TMEM132D: variants seen among roughly 807,000 people sequenced by gnomAD.
The protein encoded by TMEM132D is transmembrane protein 132D, also known as mature OL transmembrane protein.
In TMEM132D, 21 loss-of-function variants were observed where a neutral mutation model predicts 62.3. That is an observed-to-expected ratio of 0.34 (90% confidence interval 0.24 to 0.49). The LOEUF (loss-of-function observed/expected upper bound fraction) is 0.49. TMEM132D is among the 20% of genes least tolerant of loss of function. The pLI is 0.99. For missense variants in TMEM132D, 1,346 were observed against 1,402.8 expected, an observed-to-expected ratio of 0.96 and a Z score of 0.65; for synonymous variants, 621 against 575.6, an observed-to-expected ratio of 1.08 and a Z score of -1.13.
intron 5 of TMEM132D, among the ~76,000 whole-genome samples, chr12:129,207,526 G>T (rs1384856746): frequency 6.6e-6 from 1 of 152,172 alleles, no homozygotes; most frequent in Non-Finnish European, 1.5e-5. Flanking sequence ...GGGAGAAGAT[G>T]AGGCGAGGGA....
chr12:129,246,316 G>A (rs192411714), intron 4 of TMEM132D, among the ~76,000 whole-genome samples: 74 of 152,250 alleles, frequency 4.9e-4, no homozygotes, highest in East Asian at 7.7e-4. Context: ...AGAGAAAGGC[G>A]GAATGACGCA....
intron 3 of TMEM132D, among the ~76,000 whole-genome samples, chr12:129,476,420 T>C (rs570476934): frequency 1.3e-5 from 2 of 152,334 alleles, no homozygotes; most frequent in South Asian, 4.1e-4. Flanking sequence ...ACTGCACGTA[T>C]GCCAAGTGAC....
intron 1 of TMEM132D, among the ~76,000 whole-genome samples, chr12:129,767,522 C>A (rs910841555): frequency 6.6e-6 from 1 of 152,216 alleles, no homozygotes; most frequent in African/African-American, 2.4e-5. Context: ...CAGCCCCTGA[C>A]AACCATCACT....
At chr12:129,339,428 T>C (rs1217882696) in intron 3 of TMEM132D, among the ~76,000 whole-genome samples, 2 of 152,228 alleles carry the variant, frequency 1.3e-5, no homozygotes, top group Non-Finnish European at 2.9e-5. Context: ...TGCAATGGGC[T>C]GTGAGTAATG....
chr12:129,651,101 C>T (rs1437583626), intron 2 of TMEM132D, among the ~76,000 whole-genome samples: 1 of 152,060 alleles, frequency 6.6e-6, no homozygotes, highest in Non-Finnish European at 1.5e-5. Context: ...TGCTGTATTC[C>T]TTTCTGGATC....
At chr12:129,468,886 T>C (rs148838725) in intron 3 of TMEM132D, among the ~76,000 whole-genome samples, 2 of 152,346 alleles carry the variant, frequency 1.3e-5, no homozygotes, top group Non-Finnish European at 2.9e-5. Flanking sequence ...ATCAGGCTTC[T>C]TCCAGATGGA....
At chr12:129,227,959 G>A (rs1049207201) in intron 4 of TMEM132D, among the ~76,000 whole-genome samples, 3 of 152,096 alleles carry the variant, frequency 2.0e-5, no homozygotes, top group South Asian at 2.1e-4. Context: ...AGTATTCCAC[G>A]GTGTATACGT....
intron 2 of TMEM132D, among the ~76,000 whole-genome samples, chr12:129,565,941 T>G (rs1362739471): frequency 6.6e-6 from 1 of 152,242 alleles, no homozygotes; most frequent in Non-Finnish European, 1.5e-5. Context: ...CAGTAAACAT[T>G]ATTACTTTTA....
chr12:129,401,159 C>A (rs1224647177), intron 3 of TMEM132D, among the ~76,000 whole-genome samples: 1 of 152,204 alleles, frequency 6.6e-6, no homozygotes, highest in Non-Finnish European at 1.5e-5. Flanking sequence ...CCACTACAAT[C>A]TACTGGGGAG....
At chr12:129,623,694 C>CGT (rs1565926874) in intron 2 of TMEM132D, among the ~76,000 whole-genome samples, 15 of 137,850 alleles carry the variant, frequency 1.1e-4, no homozygotes, top group African/African-American at 4.3e-4. Flanking sequence ...TACATATATA[C>CGT]ATATATATAC....
chr12:129,261,109 G>A (rs11060228), intron 4 of TMEM132D, among the ~76,000 whole-genome samples: 64,749 of 152,026 alleles, frequency 0.43, 14,053 homozygotes, highest in Admixed American at 0.5. Flanking sequence ...TAGTGGTTGT[G>A]CTAACTTACA....
chr12:129,623,727 A>G (rs1049720731), intron 2 of TMEM132D, among the ~76,000 whole-genome samples: 2 of 137,738 alleles, frequency 1.5e-5, no homozygotes, highest in East Asian at 2.0e-4. Context: ...ATATATACAT[A>G]CATATATACA....
chr12:129,756,305 ACT>A (rs938315235), intron 1 of TMEM132D, among the ~76,000 whole-genome samples: 1 of 152,120 alleles, frequency 6.6e-6, no homozygotes, highest in African/African-American at 2.4e-5. Flanking sequence ...AGAAAAACAA[ACT>A]CTGAATCAGG....
intron 2 of TMEM132D, among the ~76,000 whole-genome samples, chr12:129,647,348 T>C (rs1879813493): frequency 6.6e-6 from 1 of 151,384 alleles, no homozygotes; most frequent in South Asian, 2.1e-4. Context: ...CCCTGAGACT[T>C]TGATGCATTC....
At chr12:129,627,383 C>T (rs1204417147) in intron 2 of TMEM132D, among the ~76,000 whole-genome samples, 1 of 152,142 alleles carries the variant, frequency 6.6e-6, no homozygotes, top group Non-Finnish European at 1.5e-5. Flanking sequence ...AGCCTAGGAG[C>T]AATAGGCTAT....
At chr12:129,485,972 C>T (rs1423788905) in intron 3 of TMEM132D, among the ~76,000 whole-genome samples, 2 of 152,214 alleles carry the variant, frequency 1.3e-5, no homozygotes, top group East Asian at 1.9e-4. Flanking sequence ...GGCTTCTCCA[C>T]TTCGGTGCAC....
chr12:129,439,515 T>A (rs1453005070), intron 3 of TMEM132D, among the ~76,000 whole-genome samples: 1 of 152,136 alleles, frequency 6.6e-6, no homozygotes, highest in Non-Finnish European at 1.5e-5. Flanking sequence ...AGTGGCATGA[T>A]CTCAGCTTGC....
chr12:129,809,715 G>A (rs1192376789), intron 1 of TMEM132D, among the ~76,000 whole-genome samples: 4 of 152,034 alleles, frequency 2.6e-5, no homozygotes, highest in African/African-American at 9.7e-5. Context: ...TCTTTAAAAA[G>A]TCTAATAATA....
chr12:129,370,385 A>G (rs925862769), intron 3 of TMEM132D, among the ~76,000 whole-genome samples: 7 of 152,186 alleles, frequency 4.6e-5, no homozygotes, highest in Non-Finnish European at 8.8e-5. Flanking sequence ...CGTGTGAATG[A>G]ATGAATTGCT....
Sources: gnomAD v4.1 joint callset for allele counts (sites outside exome capture counted in the v4.1 genomes callset) on GRCh38, gnomAD v4.1.1 for gene constraint, MANE v1.5 for transcripts, NCBI Gene and HGNC (gene_info 2026-07-23, HGNC 2026-07-21) for gene names.